The following GRIN2B variants were observed in gnomAD, a reference collection of about 807,000 sequenced individuals.
GRIN2B encodes glutamate receptor ionotropic, NMDA 2B.
Under a neutral mutation model 114.5 loss-of-function variants are expected in GRIN2B, and 5 were observed. The observed-to-expected ratio is 0.04, with a 90% CI of 0.02 to 0.09. GRIN2B has a LOEUF of 0.09. Ranked by LOEUF, GRIN2B falls within the 10% of genes least tolerant of loss-of-function variation. The probability of loss-of-function intolerance (pLI) is 1.00; values close to 1 mark genes in which losing one functional copy is unlikely to be tolerated. For synonymous variants in GRIN2B, 787 were observed against 745.1 expected (o/e 1.06, Z -0.92); for missense variants, 1,108 against 1,943.5 (o/e 0.57, Z 8.08).
chr12:13,956,636 G>A (rs1370652043), intron 2 of GRIN2B, among the ~76,000 whole-genome samples: 6 of 152,130 alleles, frequency 3.9e-5, no homozygotes, highest in African/African-American at 1.4e-4. Context: ...GCCCAGCAAC[G>A]AGCCGCATCA....
At chr12:13,734,427 C>A (rs1359752651) in intron 4 of GRIN2B, among the ~76,000 whole-genome samples, 2 of 152,128 alleles carry the variant, frequency 1.3e-5, no homozygotes, top group African/African-American at 4.8e-5. Context: ...AGCCCGAGAC[C>A]ATGGGAACGC....
chr12:13,788,958 T>C (rs1303977178), intron 3 of GRIN2B, among the ~76,000 whole-genome samples: 1 of 152,190 alleles, frequency 6.6e-6, no homozygotes, highest in Non-Finnish European at 1.5e-5. Flanking sequence ...CCGGCAAATG[T>C]CGAACTCACT....
Position 13,548,659 on chromosome 12 carries a change from A to G in GRIN2B, c.*14124T>C, listed in dbSNP as rs968639714. The G allele has an allele frequency of 1.3e-5, 2 of 152,174 alleles. No individual in the cohort carries two copies. Among genetic ancestry groups the G allele is most frequent in the Non-Finnish European group, 2.9e-5 (2 of 68,018 alleles). The allele number at this position is 152,174 out of a possible 1,614,324, so 9.4% of individuals were successfully genotyped here. On this transcript the variant is annotated 3_prime_UTR_variant, in exon 14 of 14. Transcript: ENST00000609686. ...TGAAGTCACCACGGAGTCAAGGTAG[A>G]AATAGCTACTGCCCCTCTCTCTTAG...
intron 2 of GRIN2B, among the ~76,000 whole-genome samples, chr12:13,918,485 T>C (rs1866768739): frequency 6.6e-6 from 1 of 152,206 alleles, no homozygotes; most frequent in African/African-American, 2.4e-5. Flanking sequence ...ATACCATGCA[T>C]TTATGCATTA....
chr12:13,908,563 A>C (rs1338217758), intron 2 of GRIN2B, among the ~76,000 whole-genome samples: 1 of 152,186 alleles, frequency 6.6e-6, no homozygotes, highest in Admixed American at 6.5e-5. Context: ...CTCAGAGCAA[A>C]ATTCTTAACT....
At position 13,562,897 on chromosome 12, in the gene GRIN2B, A is replaced by G. The variant is rs766970197; in HGVS notation, c.4341T>C (p.Cys1447=). 2.6e-5 allele frequency: 42 copies of G among 1,614,050 alleles called. No individual in the cohort carries two copies. Among genetic ancestry groups the G allele is most frequent in the Non-Finnish European group, 3.0e-5 (35 of 1,180,018 alleles). Residue 1447 remains cysteine, a synonymous_variant, in exon 14 of 14, where the codon TGT becomes TGC. Transcript: ENST00000609686. ...AVPARFQKDI[C]IGNQSNPCVP... ...CACAGGGGTTGGACTGGTTCCCTAT[A>G]CAGATGTCCTTCTGGAAACGGGCTG...
intron 2 of GRIN2B, among the ~76,000 whole-genome samples, chr12:13,931,483 G>C (rs772967902): frequency 6.6e-6 from 1 of 152,050 alleles, no homozygotes; most frequent in African/African-American, 2.4e-5. Context: ...AAAGTAGAAT[G>C]CTCCAGGGAT....
chr12:13,916,069 C>T (rs532830621), intron 2 of GRIN2B, among the ~76,000 whole-genome samples: 3 of 152,128 alleles, frequency 2.0e-5, no homozygotes, highest in African/African-American at 7.2e-5. Flanking sequence ...TGTGGGGCAC[C>T]TAAGCAAAAA....
rs1358560692 is a variant in GRIN2B at position 13,945,303 on chromosome 12, G to T, written c.-19+34625C>A. Among the ~76,000 whole-genome samples, 3 of 152,148 alleles carry T rather than the reference G, an allele frequency of 2.0e-5. No individual in the cohort carries two copies. The East Asian group carries it at 5.8e-4, about 29-fold the overall frequency. ...ACATTAGAAAGAGTGAGAAGTGGCAGGGTGGTAAGCATTTTTATGAGGTGT... is the reference window on the plus strand; with the variant it reads ...ACATTAGAAAGAGTGAGAAGTGGCATGGTGGTAAGCATTTTTATGAGGTGT... On this transcript the variant is annotated intron_variant, in intron 2 of 13. Coordinates refer to ENST00000609686, the MANE Select transcript of GRIN2B (RefSeq NM_000834.5).
intron 3 of GRIN2B, among the ~76,000 whole-genome samples, chr12:13,835,689 T>C (rs1442196434): frequency 7.4e-5 from 11 of 148,282 alleles, no homozygotes; most frequent in Non-Finnish European, 3.0e-5. Flanking sequence ...GGACAGGTAC[T>C]TAAATTAGCA....
chr12:13,959,625 G>A (rs1867655210), intron 2 of GRIN2B, among the ~76,000 whole-genome samples: 1 of 152,070 alleles, frequency 6.6e-6, no homozygotes, highest in African/African-American at 2.4e-5. Context: ...GAGTGGAAGT[G>A]GGGGATTTTG....
intron 12 of GRIN2B, among the ~76,000 whole-genome samples, chr12:13,569,071 A>G (rs1341795223): frequency 6.6e-6 from 1 of 152,200 alleles, no homozygotes; most frequent in Non-Finnish European, 1.5e-5. Flanking sequence ...TTTTGGCCAC[A>G]TGTGAGATGA....
intron 3 of GRIN2B, among the ~76,000 whole-genome samples, chr12:13,775,444 A>G (rs1863986901): frequency 6.6e-6 from 1 of 152,176 alleles, no homozygotes; most frequent in Non-Finnish European, 1.5e-5. Context: ...GGTAAATGAG[A>G]TGGTACCCGG....
At chr12:13,742,166 G>C (rs1046259292) in intron 4 of GRIN2B, among the ~76,000 whole-genome samples, 1 of 151,994 alleles carries the variant, frequency 6.6e-6, no homozygotes, top group Non-Finnish European at 1.5e-5. Flanking sequence ...TTTTATGCAG[G>C]GTATATGCTT....
Position 13,753,215 on chromosome 12 carries a change from C to G in GRIN2B, c.1010+102G>C. 1.2e-6 allele frequency: 1 copy of G among 817,018 alleles called. No homozygotes were observed. Among genetic ancestry groups the G allele is most frequent in the African/African-American group, 1.7e-5 (1 of 59,986 alleles). The allele number at this position is 817,018 out of a possible 1,614,324, so 50.6% of individuals were successfully genotyped here. A position where few individuals can be genotyped will look rare whatever the true frequency, so the allele number is the denominator to read the frequency against. ...CCCAAGGCCAGGCTTCAACCTGCTA[C>G]CGTCTTGAACTGTTCTTCCTGCAGT... On this transcript the variant is annotated intron_variant, in intron 4 of 13. Transcript: ENST00000609686. This position sits in a 1 kb window ranked among gnomAD's most constrained non-coding sequence, Gnocchi z 6.2.
Position 13,556,290 on chromosome 12 carries a change from CT to C in GRIN2B, c.*6492del, listed in dbSNP as rs1236051321. On this transcript the variant is annotated 3_prime_UTR_variant, in exon 14 of 14. Coordinates refer to ENST00000609686, the MANE Select transcript of GRIN2B (RefSeq NM_000834.5). ...TACCCTGAAACCAGAAAATATTAAA[CT>C]TGCATGTATAATCATACAAATGTAT... 6.6e-6 allele frequency: 1 copy of C among 152,162 alleles called. No individual in the cohort carries two copies. The highest frequency in any genetic ancestry group is 1.5e-5 in the Non-Finnish European group (1 of 68,016). 9.4% of individuals were successfully genotyped at this position (152,162 alleles called of 1,614,324 possible). A position where few individuals can be genotyped will look rare whatever the true frequency, so the allele number is the denominator to read the frequency against.
At chr12:13,938,880 C>T (rs1867179990) in intron 2 of GRIN2B, among the ~76,000 whole-genome samples, 2 of 152,072 alleles carry the variant, frequency 1.3e-5, no homozygotes, top group South Asian at 4.2e-4. Flanking sequence ...ATTTTTGTGG[C>T]AATTTTACTT....
intron 3 of GRIN2B, among the ~76,000 whole-genome samples, chr12:13,865,025 T>A (rs1865805029): frequency 1.3e-5 from 2 of 152,206 alleles, no homozygotes; most frequent in Non-Finnish European, 2.9e-5. Context: ...CAGATCAATA[T>A]GTGTGATGAG....
At position 13,548,203 on chromosome 12, in the gene GRIN2B, T is replaced by C. The variant is rs1948370143; in HGVS notation, c.*14580A>G. On this transcript the variant is annotated 3_prime_UTR_variant, in exon 14 of 14. Transcript: ENST00000609686. Reference sequence around the variant, plus strand: ...AAAATTGAGCTTATCTTCTCTGTCTTTCATAGGATAGCTAAGCACCCATGC... The same window carrying C: ...AAAATTGAGCTTATCTTCTCTGTCTCTCATAGGATAGCTAAGCACCCATGC... 1 of 151,674 alleles carries C rather than the reference T, an allele frequency of 6.6e-6. No individual in the cohort carries two copies. Among genetic ancestry groups the C allele is most frequent in the Non-Finnish European group, 1.5e-5 (1 of 67,928 alleles). The allele number at this position is 151,674 out of a possible 1,614,324, so 9.4% of individuals were successfully genotyped here.
Sources: allele counts gnomAD v4.1 joint callset (sites outside exome capture counted in the v4.1 genomes callset), GRCh38; gene constraint gnomAD v4.1.1; non-coding constraint Gnocchi (gnomAD v3.1); transcripts MANE v1.5; gene names NCBI Gene and HGNC (gene_info 2026-07-23, HGNC 2026-07-21).